The following DIP2C variants were observed in gnomAD, a reference collection of about 807,000 sequenced individuals.
The protein encoded by DIP2C is disco-interacting protein 2 homolog C.
A neutral mutation model predicts 192.4 loss-of-function variants in DIP2C; 33 were observed. That is an observed-to-expected ratio of 0.17 (90% CI 0.13 to 0.23). The LOEUF (loss-of-function observed/expected upper bound fraction) is 0.23. DIP2C is among the 10% of genes least tolerant of loss of function. The pLI is 1.00. For synonymous variants in DIP2C, 979 were observed against 864.1 expected, an observed-to-expected ratio of 1.13 and a Z score of -2.33; for missense variants, 1,537 against 2,110.1, an observed-to-expected ratio of 0.73 and a Z score of 5.32.
intron 19 of DIP2C, 28 bp downstream of exon 19, chr10:366,247 G>T (rs1271827393): frequency 2.5e-6 from 4 of 1,608,796 alleles, no homozygotes; most frequent in Admixed American, 1.7e-5. Context: ...CACAGATGGT[G>T]CCCATGGTAA....
rs182879532 is a variant in DIP2C at position 327,632 on chromosome 10, A to G, written c.3754-456T>C. Among the ~76,000 whole-genome samples, 351 of 152,322 alleles carry G rather than the reference A, an allele frequency of 2.3e-3. 1 individual carries two copies. Among genetic ancestry groups the G allele is most frequent in the Non-Finnish European group, 4.2e-3 (285 of 68,020 alleles). On this transcript the variant is annotated intron_variant, in intron 30 of 36. Transcript: ENST00000280886. Reference sequence around the variant, plus strand: ...GGCTGGAGTTGAACTCCTCGGCTCAAGTGACCCTCCCACCTTGTGGTCTCC... The same window carrying G: ...GGCTGGAGTTGAACTCCTCGGCTCAGGTGACCCTCCCACCTTGTGGTCTCC...
chr10:389,281 T>A (rs944705626), intron 13 of DIP2C, among the ~76,000 whole-genome samples: 11 of 151,960 alleles, frequency 7.2e-5, no homozygotes, highest in African/African-American at 2.4e-4. Flanking sequence ...TCAGGGGATA[T>A]CAGCAGGACT....
chr10:497,827 T>A (rs952710011), intron 1 of DIP2C, among the ~76,000 whole-genome samples: 3 of 152,264 alleles, frequency 2.0e-5, no homozygotes, highest in South Asian at 4.2e-4. Flanking sequence ...CCAAAAAAAA[T>A]TAGCTATTTT....
At chr10:617,191 A>T (rs1966898) in intron 1 of DIP2C, among the ~76,000 whole-genome samples, 142,958 of 145,614 alleles carry the variant, frequency 0.98, 70,192 homozygotes, top group Middle Eastern at 1. Context: ...CTGTGTTGGT[A>T]TCTCAGCCGC....
intron 1 of DIP2C, among the ~76,000 whole-genome samples, chr10:568,507 C>T (rs1464367593): frequency 2.0e-5 from 3 of 152,042 alleles, no homozygotes; most frequent in African/African-American, 7.2e-5. Flanking sequence ...GTGGCTCACG[C>T]CTGTAATCCC....
chr10:402,035 G>C (rs1256667317), intron 9 of DIP2C, among the ~76,000 whole-genome samples: 4 of 106,244 alleles, frequency 3.8e-5, no homozygotes, highest in African/African-American at 1.5e-4. Context: ...GGACAAGTTT[G>C]GTATGTGTTC....
At chr10:312,677 GCTACT>G (rs1330037246) in intron 31 of DIP2C, among the ~76,000 whole-genome samples, 1 of 152,108 alleles carries the variant, frequency 6.6e-6, no homozygotes, top group Non-Finnish European at 1.5e-5. Context: ...GGTAATTATG[GCTACT>G]CTTCTCTCTC....
intron 4 of DIP2C, among the ~76,000 whole-genome samples, chr10:436,723 GAT>G (rs1967246716): frequency 7.4e-6 from 1 of 134,304 alleles, no homozygotes; most frequent in Non-Finnish European, 1.5e-5. Context: ...CCACACCTGA[GAT>G]CTCTCTGAGC....
intron 1 of DIP2C, among the ~76,000 whole-genome samples, chr10:545,722 T>TA (rs1052892403): frequency 2.6e-5 from 4 of 152,222 alleles, no homozygotes; most frequent in African/African-American, 7.2e-5. Context: ...TATCGACTCT[T>TA]ACACTGGATC....
intron 1 of DIP2C, among the ~76,000 whole-genome samples, chr10:593,218 AT>A: frequency 6.6e-6 from 1 of 151,940 alleles, no homozygotes; most frequent in East Asian, 1.9e-4. Context: ...CTCATTCAAC[AT>A]CCCCCCGGGG....
chr10:470,480 C>T (rs1970541772), intron 3 of DIP2C, among the ~76,000 whole-genome samples: 1 of 152,240 alleles, frequency 6.6e-6, no homozygotes, highest in Non-Finnish European at 1.5e-5. Flanking sequence ...GTAAGGTGCA[C>T]GGATGAACAG....
intron 24 of DIP2C, among the ~76,000 whole-genome samples, chr10:352,405 A>C (rs1958863633): frequency 6.6e-6 from 1 of 152,248 alleles, no homozygotes; most frequent in Non-Finnish European, 1.5e-5. Flanking sequence ...GATGTCTTTC[A>C]GGGCTGACAT....
intron 1 of DIP2C, among the ~76,000 whole-genome samples, chr10:579,414 G>A (rs1040770695): frequency 1.1e-4 from 17 of 151,796 alleles, no homozygotes; most frequent in African/African-American, 3.4e-4. Context: ...GATCCATATA[G>A]CGTATGTACA....
intron 1 of DIP2C, among the ~76,000 whole-genome samples, chr10:641,496 A>G (rs1217287235): frequency 6.6e-6 from 1 of 152,150 alleles, no homozygotes; most frequent in Non-Finnish European, 1.5e-5. Context: ...CATGAAGATG[A>G]TACTCACACA....
At chr10:394,262 C>G (rs1448947192) in intron 10 of DIP2C, among the ~76,000 whole-genome samples, 1 of 151,702 alleles carries the variant, frequency 6.6e-6, no homozygotes. Flanking sequence ...TGTGCTGAAC[C>G]GGAAGGACAT....
intron 30 of DIP2C, among the ~76,000 whole-genome samples, chr10:327,780 A>C (rs1448302174): frequency 1.3e-5 from 2 of 152,216 alleles, no homozygotes; most frequent in East Asian, 3.8e-4. Flanking sequence ...TTTATGTCCC[A>C]TTACGCCAAG....
chr10:509,019 G>C (rs753377776), intron 1 of DIP2C, among the ~76,000 whole-genome samples: 10 of 152,152 alleles, frequency 6.6e-5, no homozygotes, highest in African/African-American at 1.9e-4. Flanking sequence ...GTCCTCGCTA[G>C]AACACTGACT....
intron 29 of DIP2C, among the ~76,000 whole-genome samples, chr10:333,060 G>T (rs1028829635): frequency 3.9e-5 from 6 of 152,050 alleles, no homozygotes; most frequent in Non-Finnish European, 8.8e-5. Flanking sequence ...GTGCCACCAC[G>T]CCAGGCTAAT....
intron 29 of DIP2C, among the ~76,000 whole-genome samples, chr10:340,111 G>A (rs1393861701): frequency 2.6e-5 from 4 of 151,892 alleles, no homozygotes; most frequent in Non-Finnish European, 2.9e-5. Context: ...AACCCAGGAG[G>A]CAGAGGTTGC....
Sources: allele counts gnomAD v4.1 joint callset (sites outside exome capture counted in the v4.1 genomes callset), GRCh38; gene constraint gnomAD v4.1.1; transcripts MANE v1.5; gene names NCBI Gene and HGNC (gene_info 2026-07-23, HGNC 2026-07-21).